Variants in MFHAS1 observed in about 807,000 individuals in gnomAD.
MFHAS1 encodes malignant fibrous histiocytoma-amplified sequence 1.
A neutral mutation model predicts 70.4 loss-of-function variants in MFHAS1; 50 were observed. The observed-to-expected ratio is 0.71, with a 90% CI of 0.57 to 0.90. MFHAS1 has a LOEUF of 0.90. Among genes scored for constraint, MFHAS1 ranks in the 40% least tolerant of loss-of-function variants. The pLI, the probability that MFHAS1 is intolerant of heterozygous loss-of-function variation, is 0.00. For missense variants in MFHAS1, 1,795 were observed against 1,347.6 expected (o/e 1.33, Z -5.20); for synonymous variants, 952 against 620.0 (o/e 1.54, Z -7.96).
At chr8:8,808,589 T>A (rs1244504116) in intron 1 of MFHAS1, among the ~76,000 whole-genome samples, 3 of 152,194 alleles carry the variant, frequency 2.0e-5, no homozygotes, top group Non-Finnish European at 2.9e-5. Flanking sequence ...TTACCAGATC[T>A]ACAGTGAGAA....
At chr8:8,852,517 A>G (rs1305751984) in intron 1 of MFHAS1, among the ~76,000 whole-genome samples, 1 of 151,972 alleles carries the variant, frequency 6.6e-6, no homozygotes, top group African/African-American at 2.4e-5. Context: ...ACACACCCAC[A>G]AGAGGGTTTA....
chr8:8,837,656 A>G (rs953663577), intron 1 of MFHAS1, among the ~76,000 whole-genome samples: 1 of 152,098 alleles, frequency 6.6e-6, no homozygotes, highest in African/African-American at 2.4e-5. Context: ...TGAAAAAAAA[A>G]AAGAAGAGGA....
intron 1 of MFHAS1, among the ~76,000 whole-genome samples, chr8:8,835,932 T>C (rs1219680378): frequency 1.3e-5 from 2 of 152,268 alleles, no homozygotes; most frequent in Non-Finnish European, 2.9e-5. Context: ...TCCAAGGTAG[T>C]GCAATTCTGC....
At chr8:8,802,835 G>A (rs1476084849) in intron 1 of MFHAS1, among the ~76,000 whole-genome samples, 3 of 152,218 alleles carry the variant, frequency 2.0e-5, no homozygotes, top group Non-Finnish European at 2.9e-5. Flanking sequence ...TGAGGCAACA[G>A]CTGTGGTCCC....
In MFHAS1 at chr8:8,784,325, C is replaced by T. The variant is rs1805461083; in HGVS notation, c.*1697G>A. 6.6e-6 allele frequency: 1 copy of T among 152,116 alleles called. No individual in the cohort carries two copies. Among genetic ancestry groups the T allele is most frequent in the Non-Finnish European group, 1.5e-5 (1 of 68,032 alleles). 9.4% of individuals were successfully genotyped at this position (152,116 alleles called of 1,614,324 possible). A position where few individuals can be genotyped will look rare whatever the true frequency, so the allele number is the denominator to read the frequency against. ...GGAGACGCGCACACACACACGAGAA[C>T]TGTGACAAAAGGATTCACCAGATTA... is the stretch of plus-strand genomic sequence containing the variant. On this transcript the variant is annotated 3_prime_UTR_variant, in exon 3 of 3. Coordinates refer to ENST00000276282, the MANE Select transcript of MFHAS1 (RefSeq NM_004225.3).
chr8:8,869,743 G>T (rs1415211805), intron 1 of MFHAS1, among the ~76,000 whole-genome samples: 1 of 152,018 alleles, frequency 6.6e-6, no homozygotes, highest in Non-Finnish European at 1.5e-5. Flanking sequence ...AATTTTTCTT[G>T]AAACATACAC....
chr8:8,851,756 G>C (rs975221673), intron 1 of MFHAS1, among the ~76,000 whole-genome samples: 3 of 152,124 alleles, frequency 2.0e-5, no homozygotes, highest in Non-Finnish European at 2.9e-5. Flanking sequence ...AACAAATACA[G>C]GAAGTTAATC....
intron 1 of MFHAS1, among the ~76,000 whole-genome samples, chr8:8,831,350 A>C (rs11990848): frequency 0.015 from 2,240 of 152,264 alleles, 59 homozygotes; most frequent in African/African-American, 0.051. Context: ...TCATTTTTCC[A>C]ATATGAGTAG....
chr8:8,820,137 A>T (rs1172829801), intron 1 of MFHAS1, among the ~76,000 whole-genome samples: 2 of 152,220 alleles, frequency 1.3e-5, no homozygotes, highest in African/African-American at 4.8e-5. Context: ...ACAAAAATTA[A>T]CAGTGCTGGT....
intron 1 of MFHAS1, 58 bp downstream of exon 1, chr8:8,890,003 T>G: frequency 7.3e-7 from 1 of 1,370,260 alleles, no homozygotes; most frequent in Non-Finnish European, 1.0e-6. Context: ...CAACCAAGTA[T>G]CTCCAAAAAC....
intron 1 of MFHAS1, among the ~76,000 whole-genome samples, chr8:8,845,017 G>C (rs186250361): frequency 1.3e-5 from 2 of 152,174 alleles, no homozygotes; most frequent in African/African-American, 4.8e-5. Flanking sequence ...TGGAGTAAGA[G>C]GAAAACTAAG....
rs1809941144 is a variant in MFHAS1 at position 8,890,316 on chromosome 8, G to A, written c.2743C>T (p.Gln915Ter). The A allele has an allele frequency of 6.2e-7, 1 of 1,614,112 alleles. No individual in the cohort carries two copies. The highest frequency in any genetic ancestry group is 1.7e-5 in the Admixed American group (1 of 60,006). Reference protein sequence around the residue: ...HVVHRSDGKFQIFAYRGKVPV... With the variant: ...HVVHRSDGKF ...ACTTTCCCTCTATAGGCAAAGATCT[G>A]AAATTTACCATCCGACCTGTGCACC... The change falls in exon 1 of 3, where the codon CAG becomes TAG. Residue 915 changes from glutamine (Q) to a stop codon, truncating the protein, a stop_gained. Coordinates refer to ENST00000276282, the MANE Select transcript of MFHAS1 (RefSeq NM_004225.3). LOFTEE classifies it high-confidence loss of function.
At chr8:8,796,497 C>T (rs912364280) in intron 2 of MFHAS1, among the ~76,000 whole-genome samples, 4 of 150,884 alleles carry the variant, frequency 2.7e-5, no homozygotes, top group African/African-American at 9.8e-5. Context: ...TCCTGGCTAA[C>T]AGGGTGAAAC....
intron 1 of MFHAS1, among the ~76,000 whole-genome samples, chr8:8,853,466 TAAAAAAAAA>T (rs58475480): frequency 3.3e-5 from 4 of 120,196 alleles, no homozygotes; most frequent in African/African-American, 1.2e-4. Flanking sequence ...TGCTCATTCT[TAAAAAAAAA>T]AAAAAAAAAA....
At chr8:8,800,854 G>C (rs965327450) in intron 1 of MFHAS1, among the ~76,000 whole-genome samples, 6 of 152,102 alleles carry the variant, frequency 3.9e-5, no homozygotes, top group Non-Finnish European at 7.4e-5. Context: ...CCTGGCACCA[G>C]CCTGGTGCAG....
chr8:8,890,710 G>C lies in MFHAS1; in HGVS notation c.2349C>G (p.Thr783=), dbSNP rs1809970590. The C allele has an allele frequency of 1.2e-6, 2 of 1,613,548 alleles. No homozygotes were observed. Among genetic ancestry groups the C allele is most frequent in the African/African-American group, 2.7e-5 (2 of 74,948 alleles). ...AGCCCTCCACATACTGATGGAGCTGGGTGGCCCGGAGCAGTTCCTGGCTGG... is the reference window on the plus strand; with the variant it reads ...AGCCCTCCACATACTGATGGAGCTGCGTGGCCCGGAGCAGTTCCTGGCTGG... ...STPSQELLRA[T]QLHQYVEGFL... Residue 783 remains threonine, a synonymous_variant, in exon 1 of 3, where the codon ACC becomes ACG. Coordinates refer to ENST00000276282, the MANE Select transcript of MFHAS1 (RefSeq NM_004225.3).
At chr8:8,859,370 A>C (rs980640946) in intron 1 of MFHAS1, among the ~76,000 whole-genome samples, 3 of 152,152 alleles carry the variant, frequency 2.0e-5, no homozygotes, top group African/African-American at 7.2e-5. Context: ...AAAGTTCACC[A>C]TGTTTCCTAA....
chr8:8,817,767 A>T (rs559357620), intron 1 of MFHAS1, among the ~76,000 whole-genome samples: 9 of 152,366 alleles, frequency 5.9e-5, no homozygotes, highest in African/African-American at 2.2e-4. Context: ...TTAGATTCTC[A>T]TAAGGAGTGC....
chr8:8,823,209 T>C (rs1807031244), intron 1 of MFHAS1, among the ~76,000 whole-genome samples: 1 of 152,248 alleles, frequency 6.6e-6, no homozygotes, highest in Non-Finnish European at 1.5e-5. Context: ...TCCATTTTTC[T>C]CATTAACTGT....
Sources: allele counts gnomAD v4.1 joint callset (sites outside exome capture counted in the v4.1 genomes callset), GRCh38; gene constraint gnomAD v4.1.1; transcripts MANE v1.5; gene names NCBI Gene and HGNC (gene_info 2026-07-23, HGNC 2026-07-21).